Variants in SOD2 observed in about 807,000 individuals in gnomAD.
SOD2 encodes superoxide dismutase [Mn], mitochondrial.
Under a neutral mutation model 27.0 loss-of-function variants are expected in SOD2, and 11 were observed. The ratio of observed to expected loss-of-function variants is 0.41; its 90% CI spans 0.26 to 0.67. The LOEUF (loss-of-function observed/expected upper bound fraction) is 0.67. Ranked by LOEUF, SOD2 falls within the 30% of genes least tolerant of loss-of-function variation. The pLI is 0.34. For synonymous variants in SOD2, 105 were observed against 103.0 expected, an observed-to-expected ratio of 1.02 and a Z score of -0.12; for missense variants, 250 against 274.5, an observed-to-expected ratio of 0.91 and a Z score of 0.63.
At chr6:159,743,192 C>T (rs905010802) in intron 1 of SOD2, among the ~76,000 whole-genome samples, 1 of 152,274 alleles carries the variant, frequency 6.6e-6, no homozygotes, top group African/African-American at 2.4e-5. Flanking sequence ...GGATTACAGA[C>T]ATGCATCACC....
Position 159,680,762 on chromosome 6 carries a change from CCT to C in SOD2, c.*1729_*1730del, listed in dbSNP as rs1405270341. The C allele has an allele frequency of 6.6e-6, 1 of 151,808 alleles. No individual in the cohort carries two copies. The highest frequency in any genetic ancestry group is 2.4e-5 in the African/African-American group (1 of 41,334). The allele number at this position is 151,808 out of a possible 1,614,324, so 9.4% of individuals were successfully genotyped here. A position where few individuals can be genotyped will look rare whatever the true frequency, so the allele number is the denominator to read the frequency against. On this transcript the variant is annotated 3_prime_UTR_variant, in exon 5 of 5. Transcript: ENST00000538183. The stretch of plus-strand genomic sequence containing the variant: ...ACCACCCTGGCCAACATGGTGAAAC[CCT>C]GTCTCTGCTAAAAATACAAAAAGTA...
intron 1 of SOD2, chr6:159,726,353 C>G (rs1047444564): frequency 1.3e-5 from 2 of 154,836 alleles, no homozygotes; most frequent in Non-Finnish European, 2.9e-5. Context: ...ATACGAGTTG[C>G]AAAGATTTTC....
chr6:159,728,690 A>G (rs1583058809), upstream of SOD2, among the ~76,000 whole-genome samples: 1 of 152,362 alleles, frequency 6.6e-6, no homozygotes, highest in Non-Finnish European at 1.5e-5. Flanking sequence ...CAAGATGGAT[A>G]CATTTTAATT....
chr6:159,687,891 A>G (rs1441702989), intron 3 of SOD2, among the ~76,000 whole-genome samples: 1 of 152,026 alleles, frequency 6.6e-6, no homozygotes, highest in Non-Finnish European at 1.5e-5. Context: ...GGCGCCTGTA[A>G]TCCCAGCTAC....
At chr6:159,716,454 A>G (rs1234085621) in intron 1 of SOD2, among the ~76,000 whole-genome samples, 1 of 152,182 alleles carries the variant, frequency 6.6e-6, no homozygotes, top group Non-Finnish European at 1.5e-5. Flanking sequence ...CAAGGAAGGG[A>G]GGGGGAAAAC....
intron 1 of SOD2, among the ~76,000 whole-genome samples, chr6:159,722,586 T>C (rs938553496): frequency 6.6e-6 from 1 of 152,204 alleles, no homozygotes; most frequent in Non-Finnish European, 1.5e-5. Flanking sequence ...CATTTTCTTT[T>C]TGACGCTAAA....
intron 1 of SOD2, 54 bp from the exon 2 acceptor site, chr6:159,692,917 A>C (rs538401410): frequency 3.0e-5 from 44 of 1,462,514 alleles, no homozygotes; most frequent in Middle Eastern, 4.8e-4. Context: ...CCGTCTACGC[A>C]GGCTGGGCTG....
chr6:159,758,555 A>G (rs1780061346), intron 1 of SOD2, among the ~76,000 whole-genome samples: 1 of 152,116 alleles, frequency 6.6e-6, no homozygotes, highest in Non-Finnish European at 1.5e-5. Context: ...TACTCAAATC[A>G]TTGCCTGCTG....
At chr6:159,753,645 T>A in intron 1 of SOD2, 1 of 1,579,474 alleles carries the variant, frequency 6.3e-7, no homozygotes, top group Non-Finnish European at 8.6e-7. Flanking sequence ...TGGAACGTTG[T>A]CTCAACTTTG....
At chr6:159,751,896 T>C (rs1236742697) in intron 1 of SOD2, among the ~76,000 whole-genome samples, 1 of 152,042 alleles carries the variant, frequency 6.6e-6, no homozygotes, top group East Asian at 1.9e-4. Context: ...ACCCCATCTC[T>C]ACTAAAAATC....
At chr6:159,753,451 C>T (rs571993364) in intron 1 of SOD2, 1 of 1,614,144 alleles carries the variant, frequency 6.2e-7, no homozygotes, top group Non-Finnish European at 8.5e-7. Context: ...ATGGCTCTTT[C>T]CTTTGCAGCC....
At chr6:159,688,635 T>C (rs1320224264) in intron 2 of SOD2, among the ~76,000 whole-genome samples, 1 of 152,046 alleles carries the variant, frequency 6.6e-6, no homozygotes, top group Non-Finnish European at 1.5e-5. Context: ...CATTGGGAAA[T>C]ATCTCCAAGT....
At chr6:159,758,763 C>T (rs914170325) in intron 1 of SOD2, among the ~76,000 whole-genome samples, 1 of 152,184 alleles carries the variant, frequency 6.6e-6, no homozygotes, top group Non-Finnish European at 1.5e-5. Flanking sequence ...ATTCACTGTT[C>T]CCCTCATGGA....
At chr6:159,687,802 T>A (rs1464825860) in intron 3 of SOD2, among the ~76,000 whole-genome samples, 1 of 151,020 alleles carries the variant, frequency 6.6e-6, no homozygotes, top group Non-Finnish European at 1.5e-5. Flanking sequence ...AGGTCAGGAG[T>A]TCAAGACCAG....
At chr6:159,753,744 G>C (rs1779902799) in intron 1 of SOD2, 1 of 1,171,256 alleles carries the variant, frequency 8.5e-7, no homozygotes, top group African/African-American at 1.6e-5. Context: ...ATATTATTGT[G>C]AGTGAAGCAT....
intron 1 of SOD2, among the ~76,000 whole-genome samples, chr6:159,723,215 C>A (rs1163770021): frequency 6.6e-6 from 1 of 152,220 alleles, no homozygotes; most frequent in African/African-American, 2.4e-5. Context: ...AAAATGCATT[C>A]TTTACAGTGA....
chr6:159,761,688 A>G, exon 1 of SOD2: 1 of 379,150 alleles, frequency 2.6e-6, no homozygotes, highest in Non-Finnish European at 5.3e-6. Context: ...GTTTCGAGAA[A>G]CCCTAAGATT....
intron 1 of SOD2, among the ~76,000 whole-genome samples, chr6:159,725,205 G>A (rs990617141): frequency 2.0e-5 from 3 of 152,154 alleles, no homozygotes; most frequent in Non-Finnish European, 4.4e-5. Context: ...GGGGCCAGTG[G>A]TGGTGGTTCA....
chr6:159,688,274 G>A (rs1780286127), intron 2 of SOD2, 32 bp from the exon 3 acceptor site: 2 of 1,313,398 alleles, frequency 1.5e-6, no homozygotes, highest in African/African-American at 1.4e-5. Context: ...ACATTTTTTT[G>A]TAACTCCTAC....
Sources: gnomAD v4.1 joint callset for allele counts (sites outside exome capture counted in the v4.1 genomes callset) on GRCh38, gnomAD v4.1.1 for gene constraint, MANE v1.5 for transcripts, NCBI Gene and HGNC (gene_info 2026-07-23, HGNC 2026-07-21) for gene names.